The following FRMD4A variants were observed in gnomAD, a reference collection of about 807,000 sequenced individuals.
FRMD4A encodes FERM domain containing 4A.
Under a neutral mutation model 129.1 loss-of-function variants are expected in FRMD4A, and 29 were observed. The ratio of observed to expected loss-of-function variants is 0.22; its 90% CI spans 0.17 to 0.31. The LOEUF (loss-of-function observed/expected upper bound fraction) is 0.31, where lower values mean the gene tolerates loss of function less well. Ranked by LOEUF, FRMD4A falls within the 10% of genes least tolerant of loss-of-function variation. The probability of loss-of-function intolerance (pLI) is 1.00; values close to 1 mark genes in which losing one functional copy is unlikely to be tolerated. For missense variants in FRMD4A, 1,272 were observed against 1,375.8 expected, an observed-to-expected ratio of 0.92 and a Z score of 1.19; for synonymous variants, 634 against 571.6, an observed-to-expected ratio of 1.11 and a Z score of -1.56.
intron 2 of FRMD4A, chr10:14,008,356 A>C (rs1181551993): frequency 9.7e-7 from 1 of 1,030,010 alleles, no homozygotes; most frequent in African/African-American, 1.7e-5. Flanking sequence ...GGATGGGAAG[A>C]AAGAAAACCA....
intron 2 of FRMD4A, among the ~76,000 whole-genome samples, chr10:14,186,864 A>T (rs1842161093): frequency 6.6e-6 from 1 of 152,094 alleles, no homozygotes. Flanking sequence ...TCATGCCTAT[A>T]ATCACAGCAC....
intron 2 of FRMD4A, among the ~76,000 whole-genome samples, chr10:14,177,338 T>A (rs974452894): frequency 1.1e-4 from 16 of 151,846 alleles, no homozygotes; most frequent in Non-Finnish European, 1.2e-4. Context: ...CCCAGCTAAT[T>A]TTTTTTGTAT....
intron 2 of FRMD4A, among the ~76,000 whole-genome samples, chr10:14,248,444 GTT>G (rs1844322758): frequency 6.6e-6 from 1 of 150,750 alleles, no homozygotes; most frequent in East Asian, 2.0e-4. Flanking sequence ...CAATGTGTTC[GTT>G]ATCTCTAGAG....
At chr10:14,208,996 G>A (rs1033566189) in intron 2 of FRMD4A, among the ~76,000 whole-genome samples, 6 of 152,184 alleles carry the variant, frequency 3.9e-5, no homozygotes, top group Non-Finnish European at 8.8e-5. Flanking sequence ...TAGGGAGGCT[G>A]TGGGAGAGGT....
Position 14,240,384 on chromosome 10 carries a change from G to A in FRMD4A, c.45+89674C>T, listed in dbSNP as rs554133886. 1.3e-4 allele frequency among the ~76,000 whole-genome samples: 20 copies of A among 152,118 alleles called. 1 individual carries two copies. Among genetic ancestry groups the A allele is most frequent in the Non-Finnish European group, 2.6e-4 (18 of 68,026 alleles). ...GTGGCATTCTCAGCACATGTGTCAG[G>A]CTTCACCCTAAACAAGCCTGCTGGT... On this transcript the variant is annotated intron_variant, in intron 2 of 24. Coordinates refer to ENST00000357447, the MANE Select transcript of FRMD4A (RefSeq NM_018027.5).
chr10:14,032,763 A>G (rs1372604617), intron 2 of FRMD4A, among the ~76,000 whole-genome samples: 2 of 152,200 alleles, frequency 1.3e-5, no homozygotes, highest in African/African-American at 4.8e-5. Context: ...GCTAGGAGCC[A>G]GCATCCCTGG....
chr10:14,138,589 T>A (rs1400791070), intron 2 of FRMD4A, among the ~76,000 whole-genome samples: 1 of 151,870 alleles, frequency 6.6e-6, no homozygotes, highest in African/African-American at 2.4e-5. Context: ...TGAAACACCA[T>A]CTCTGCTAAA....
intron 2 of FRMD4A, among the ~76,000 whole-genome samples, chr10:13,930,746 G>C (rs1468559592): frequency 6.6e-6 from 1 of 152,146 alleles, no homozygotes; most frequent in Non-Finnish European, 1.5e-5. Flanking sequence ...AAAGGCAAAA[G>C]AGCCTTTAAT....
At chr10:13,946,402 T>A (rs766022483) in intron 2 of FRMD4A, among the ~76,000 whole-genome samples, 4 of 151,952 alleles carry the variant, frequency 2.6e-5, no homozygotes, top group African/African-American at 4.8e-5. Flanking sequence ...GAGAAGGGAG[T>A]GTTTTCTCAC....
Position 13,693,978 on chromosome 10 carries a change from G to T in FRMD4A, c.1037C>A (p.Thr346Lys). 1 of 1,563,634 alleles carries T rather than the reference G, an allele frequency of 6.4e-7. No individual in the cohort carries two copies. The highest frequency in any genetic ancestry group is 8.6e-7 in the Non-Finnish European group (1 of 1,160,012). ...GTTGGCCAGCTTCGAGGTCTTCAGC[G>T]TCCCCGTCTCGGTCAGGTCGATGGC... ...EIAIDLTETG[T>K]LKTSKLANMG... Residue 346 changes from threonine to lysine, a missense_variant, in exon 15 of 25, where the codon ACG becomes AAG. This residue lies in a region of FRMD4A where 300 missense variants were observed against 483.6 expected (regional missense o/e 0.62). Transcript: ENST00000357447.
intron 2 of FRMD4A, among the ~76,000 whole-genome samples, chr10:14,047,050 A>C (rs960087265): frequency 6.6e-6 from 1 of 151,934 alleles, no homozygotes; most frequent in Non-Finnish European, 1.5e-5. Flanking sequence ...CTCCAATATA[A>C]CTCTCAGAAT....
chr10:13,997,624 CTTTTT>C (rs775846641), intron 2 of FRMD4A, among the ~76,000 whole-genome samples: 8 of 86,194 alleles, frequency 9.3e-5, no homozygotes, highest in African/African-American at 2.7e-4. Context: ...CTTTTCTTTT[CTTTTT>C]TTTTTTTTTT....
At position 13,919,940 on chromosome 10, in the gene FRMD4A, AAAAC is replaced by A. The variant is rs752362585; in HGVS notation, c.46-61032_46-61029del. 1.2e-4 allele frequency among the ~76,000 whole-genome samples: 18 copies of A among 152,288 alleles called. No homozygotes were observed. In the Middle Eastern group the frequency reaches 0.01, roughly 86 times the overall value. On this transcript the variant is annotated intron_variant, in intron 2 of 24. Coordinates refer to ENST00000357447, the MANE Select transcript of FRMD4A (RefSeq NM_018027.5). Reference sequence around the variant, plus strand: ...GTGACAGAGTCAGATCCTGTCTCAAAAAACAAACAAACAAACAAACACACAAACA... The same window carrying A: ...GTGACAGAGTCAGATCCTGTCTCAAAAAACAAACAAACAAACACACAAACA...
chr10:13,971,825 C>T, intron 2 of FRMD4A: 1 of 1,304,168 alleles, frequency 7.7e-7, no homozygotes, highest in Non-Finnish European at 1.0e-6. Flanking sequence ...TGCCGCCAAC[C>T]CTCTGGTCCC....
chr10:14,009,823 G>A lies in FRMD4A; in HGVS notation c.46-150911C>T, dbSNP rs562215160. ...GAGAGGGTGAGAGAGACGGGGAGAC[G>A]GAAACCTCTTAACCACGGCTCACAC... On this transcript the variant is annotated intron_variant, in intron 2 of 24. Coordinates refer to ENST00000357447, the MANE Select transcript of FRMD4A (RefSeq NM_018027.5). 2.6e-5 allele frequency among the ~76,000 whole-genome samples: 4 copies of A among 152,098 alleles called. No homozygotes were observed. In the South Asian group the frequency reaches 6.2e-4, roughly 24 times the overall value.
chr10:14,325,998 C>G (rs761874558), intron 2 of FRMD4A, among the ~76,000 whole-genome samples: 7 of 152,154 alleles, frequency 4.6e-5, no homozygotes, highest in Non-Finnish European at 8.8e-5. Context: ...ACTAACTTCT[C>G]TGACTTGTGA....
rs1166046882 is a variant in FRMD4A at position 13,656,867 on chromosome 10, A to G, written c.2722T>C (p.Ser908Pro). The part of the protein sequence containing the change: ...PSRSQILRTP[S>P]LGREGAHDKG... Reference sequence around the variant, plus strand: ...TCGTGGGCGCCCTCGCGGCCCAGCGACGGAGTCCGCAGGATCTGCGATCGC... The same window carrying G: ...TCGTGGGCGCCCTCGCGGCCCAGCGGCGGAGTCCGCAGGATCTGCGATCGC... The change falls in exon 22 of 25, where the codon TCG becomes CCG. Residue 908 changes from serine (S) to proline (P), a missense_variant. By Grantham distance (74) the Ser-to-Pro change is moderately conservative. This residue lies in a region of FRMD4A where 972 missense variants were observed against 892.3 expected (regional missense o/e 1.09). Transcript: ENST00000357447. 2 of 1,489,280 alleles carry G rather than the reference A, an allele frequency of 1.3e-6. No individual in the cohort carries two copies. The highest frequency in any genetic ancestry group is 1.8e-6 in the Non-Finnish European group (2 of 1,123,980). The allele number at this position is 1,489,280 out of a possible 1,614,324, so 92.3% of individuals were successfully genotyped here.
intron 2 of FRMD4A, among the ~76,000 whole-genome samples, chr10:13,908,653 C>A (rs1369534658): frequency 6.6e-6 from 1 of 152,232 alleles, no homozygotes; most frequent in Non-Finnish European, 1.5e-5. Flanking sequence ...AGGGCCTTTG[C>A]TCCTAGCGGT....
At chr10:14,284,902 C>G (rs1048448739) in intron 2 of FRMD4A, among the ~76,000 whole-genome samples, 4 of 152,120 alleles carry the variant, frequency 2.6e-5, no homozygotes, top group African/African-American at 9.7e-5. Flanking sequence ...CTCTTATACC[C>G]GCAGGAGGAG....
Sources: gnomAD v4.1 joint callset for allele counts (sites outside exome capture counted in the v4.1 genomes callset) on GRCh38, gnomAD v4.1.1 for gene constraint, gnomAD v4.1.1 regional missense constraint, MANE v1.5 for transcripts, NCBI Gene and HGNC (gene_info 2026-07-23, HGNC 2026-07-21) for gene names.